The following CTNNA2 variants were observed in gnomAD, a reference collection of about 807,000 sequenced individuals.
The protein encoded by CTNNA2 is catenin alpha 2.
A neutral mutation model predicts 101.0 loss-of-function variants in CTNNA2; 42 were observed. The ratio of observed to expected loss-of-function variants is 0.42; its 90% CI spans 0.32 to 0.54. The LOEUF (loss-of-function observed/expected upper bound fraction) is 0.54. Ranked by LOEUF, CTNNA2 falls within the 20% of genes least tolerant of loss-of-function variation. The pLI, the probability that CTNNA2 is intolerant of heterozygous loss-of-function variation, is 0.14. For synonymous variants in CTNNA2, 450 were observed against 456.4 expected (o/e 0.99, Z 0.18); for missense variants, 871 against 1,223.1 (o/e 0.71, Z 4.29).
intron 7 of CTNNA2, among the ~76,000 whole-genome samples, chr2:80,247,357 G>A (rs1671404917): frequency 6.6e-6 from 1 of 152,012 alleles, no homozygotes; most frequent in South Asian, 2.1e-4. Flanking sequence ...CTCTTTCCTG[G>A]CCTATGAAAG....
At chr2:79,624,135 G>T (rs995733032) in intron 1 of CTNNA2, among the ~76,000 whole-genome samples, 1 of 152,032 alleles carries the variant, frequency 6.6e-6, no homozygotes, top group Non-Finnish European at 1.5e-5. Context: ...AAATATGAGA[G>T]AAACTCTGGG....
rs113048763 is a variant in CTNNA2, at chr2:79,558,599, A to G, written c.-6+45392A>G. Among the ~76,000 whole-genome samples, 258 of 152,006 alleles carry G rather than the reference A, an allele frequency of 1.7e-3. 2 individuals are homozygous for G. The highest frequency in any genetic ancestry group is 5.9e-3 in the African/African-American group (247 of 41,530). ...TCCTTATAGAGTGCCTGATACTCAG[A>G]AAACCAATTTTCTGTTTGGTCAATC... On this transcript the variant is annotated intron_variant, in intron 1 of 18. Coordinates refer to ENST00000402739, the MANE Select transcript of CTNNA2 (RefSeq NM_001282597.3).
At chr2:79,311,838 T>C (rs112759730) in intron 2 of CTNNA2, among the ~76,000 whole-genome samples, 10 of 152,344 alleles carry the variant, frequency 6.6e-5, no homozygotes, top group African/African-American at 2.4e-4. Flanking sequence ...GGTCAGTCTT[T>C]TCCTTTGGAG....
chr2:79,511,653 A>T (rs1671544664), upstream of CTNNA2, among the ~76,000 whole-genome samples: 2 of 152,182 alleles, frequency 1.3e-5, no homozygotes, highest in Admixed American at 1.3e-4. Context: ...AAAGCCAAAA[A>T]GATATTGGGA....
chr2:79,849,025 G>C (rs1220120539), intron 3 of CTNNA2, among the ~76,000 whole-genome samples: 1 of 152,134 alleles, frequency 6.6e-6, no homozygotes, highest in Non-Finnish European at 1.5e-5. Context: ...CTTCATGTGT[G>C]AGATGAGAAA....
intron 7 of CTNNA2, among the ~76,000 whole-genome samples, chr2:80,022,665 G>GA (rs1370510926): frequency 6.6e-6 from 1 of 151,942 alleles, no homozygotes; most frequent in African/African-American, 2.4e-5. Context: ...GGAGTGGAAG[G>GA]AAAAAATCCT....
At chr2:79,294,139 G>T (rs996473624) in intron 2 of CTNNA2, among the ~76,000 whole-genome samples, 4 of 151,606 alleles carry the variant, frequency 2.6e-5, no homozygotes, top group Non-Finnish European at 5.9e-5. Flanking sequence ...CTTATAGATG[G>T]CCACTTTCTT....
intron 9 of CTNNA2, among the ~76,000 whole-genome samples, chr2:80,499,197 C>T (rs2149529773): frequency 6.6e-6 from 1 of 152,198 alleles, no homozygotes; most frequent in South Asian, 2.1e-4. Context: ...AAGGAGTTAC[C>T]TGGTATTTCT....
intron 6 of CTNNA2, among the ~76,000 whole-genome samples, chr2:79,893,950 A>T (rs928944488): frequency 6.6e-6 from 1 of 151,696 alleles, no homozygotes; most frequent in Non-Finnish European, 1.5e-5. Context: ...AAAATTCTCT[A>T]ACTAAATTGA....
At chr2:80,612,672 T>C (rs1337197519) in intron 17 of CTNNA2, among the ~76,000 whole-genome samples, 1 of 151,538 alleles carries the variant, frequency 6.6e-6, no homozygotes, top group Non-Finnish European at 1.5e-5. Flanking sequence ...CAGTATTTTG[T>C]AATGAGCTAA....
intron 1 of CTNNA2, among the ~76,000 whole-genome samples, chr2:79,570,641 G>A (rs1317428741): frequency 6.6e-6 from 1 of 151,864 alleles, no homozygotes; most frequent in African/African-American, 2.4e-5. Context: ...CATTTTATTG[G>A]GGGTATTCAG....
At chr2:80,552,207 A>G (rs1028828500) in intron 11 of CTNNA2, among the ~76,000 whole-genome samples, 1 of 152,212 alleles carries the variant, frequency 6.6e-6, no homozygotes, top group African/African-American at 2.4e-5. Flanking sequence ...AAATTTTGAA[A>G]TATTGCAACA....
At chr2:79,960,434 G>C (rs999501445) in intron 7 of CTNNA2, among the ~76,000 whole-genome samples, 7 of 152,158 alleles carry the variant, frequency 4.6e-5, no homozygotes, top group African/African-American at 1.4e-4. Flanking sequence ...GTGCTAACTA[G>C]GAGAAAACAC....
intron 6 of CTNNA2, among the ~76,000 whole-genome samples, chr2:79,906,089 A>G (rs1303085504): frequency 6.6e-6 from 1 of 152,122 alleles, no homozygotes. Flanking sequence ...ATACACACAA[A>G]TAAGCCACAG....
Position 79,717,366 on chromosome 2 carries a change from G to A in CTNNA2, c.103-27021G>A, listed in dbSNP as rs7567274. 3.3e-3 allele frequency among the ~76,000 whole-genome samples: 497 copies of A among 152,240 alleles called. 1 individual carries two copies. The highest frequency in any genetic ancestry group is 0.012 in the African/African-American group (480 of 41,534). On this transcript the variant is annotated intron_variant, in intron 2 of 18. Coordinates refer to ENST00000402739, the MANE Select transcript of CTNNA2 (RefSeq NM_001282597.3). ...AGGTGTCCTTCGACTTTTAATCACT[G>A]TGAAGAAATAGCGAAAGGCATGACT...
intron 7 of CTNNA2, among the ~76,000 whole-genome samples, chr2:79,977,222 G>GCGCACACACACACACA (rs142876512): frequency 1.4e-5 from 2 of 144,738 alleles, no homozygotes; most frequent in Admixed American, 6.9e-5. Flanking sequence ...GCATATGCAT[G>GCGCACACACACACACA]CACACACACA....
chr2:79,612,399 T>A (rs1678335302), intron 1 of CTNNA2, among the ~76,000 whole-genome samples: 1 of 152,170 alleles, frequency 6.6e-6, no homozygotes, highest in South Asian at 2.1e-4. Context: ...GTTGGAGGTT[T>A]GAATGTTTCA....
At position 79,667,102 on chromosome 2, in the gene CTNNA2, G is replaced by A. The variant is rs143454616; in HGVS notation, c.102+15444G>A. On this transcript the variant is annotated intron_variant, in intron 2 of 18. Transcript: ENST00000402739. Reference sequence around the variant, plus strand: ...TAAAGCTGGGTTCTTCAAAGTCATCGCTTGGATGACCAGAACTAACTTTGG... The same window carrying A: ...TAAAGCTGGGTTCTTCAAAGTCATCACTTGGATGACCAGAACTAACTTTGG... Among the ~76,000 whole-genome samples the A allele has an allele frequency of 3.9e-3, 588 of 152,252 alleles. 12 individuals are homozygous for A. In the East Asian group the frequency reaches 0.047, roughly 12 times the overall value.
intron 7 of CTNNA2, among the ~76,000 whole-genome samples, chr2:79,945,839 T>A (rs1688457257): frequency 6.6e-6 from 1 of 152,068 alleles, no homozygotes; most frequent in South Asian, 2.1e-4. Flanking sequence ...GTCAAGACGG[T>A]CTATTAGGGG....
Sources: allele counts gnomAD v4.1 joint callset (sites outside exome capture counted in the v4.1 genomes callset), GRCh38; gene constraint gnomAD v4.1.1; transcripts MANE v1.5; gene names NCBI Gene and HGNC (gene_info 2026-07-23, HGNC 2026-07-21).